The following LAMA4 variants were observed in gnomAD, a reference collection of about 807,000 sequenced individuals.
LAMA4 encodes laminin subunit alpha 4, also known as laminin subunit alpha-4.
Under a neutral mutation model 207.1 loss-of-function variants are expected in LAMA4, and 127 were observed. The ratio of observed to expected loss-of-function variants is 0.61; its 90% CI spans 0.53 to 0.71. The LOEUF (loss-of-function observed/expected upper bound fraction) is 0.71. Among genes scored for constraint, LAMA4 ranks in the 30% least tolerant of loss-of-function variants. The pLI is 0.00. For synonymous variants in LAMA4, 761 were observed against 816.0 expected (o/e 0.93, Z 1.15); for missense variants, 2,093 against 2,246.5 (o/e 0.93, Z 1.38).
rs75304158 is a variant in LAMA4, at chr6:112,122,821, A to G, written c.4288-620T>C. ...AATATTTAATTATTATTTAGTTTCAATTTCTGAAGCAAAATAAAAGTAAAT... is the reference window on the plus strand; with the variant it reads ...AATATTTAATTATTATTTAGTTTCAGTTTCTGAAGCAAAATAAAAGTAAAT... On this transcript the variant is annotated intron_variant, in intron 31 of 38. Transcript: ENST00000230538. Among the ~76,000 whole-genome samples, 1,475 of 152,312 alleles carry G rather than the reference A, an allele frequency of 9.7e-3. 12 individuals are homozygous for G. Among genetic ancestry groups the G allele is most frequent in the Non-Finnish European group, 0.015 (1,021 of 68,024 alleles).
intron 3 of LAMA4, among the ~76,000 whole-genome samples, chr6:112,209,751 G>C (rs1401918141): frequency 6.6e-6 from 1 of 152,126 alleles, no homozygotes; most frequent in African/African-American, 2.4e-5. Flanking sequence ...TTTACCTTCA[G>C]TGCTCTGGCA....
At chr6:112,186,334 C>T (rs1252270807) in intron 8 of LAMA4, among the ~76,000 whole-genome samples, 1 of 152,230 alleles carries the variant, frequency 6.6e-6, no homozygotes, top group Non-Finnish European at 1.5e-5. Context: ...TGAATACAAG[C>T]AACCTAGTTT....
rs199618820 is a variant in LAMA4, at chr6:112,139,836, G to T, written c.3026C>A (p.Ala1009Asp). Residue 1009 changes from alanine to aspartate, a missense_variant, in exon 23 of 39, where the codon GCC (alanine) becomes GAC (aspartate). Coordinates refer to ENST00000230538, the MANE Select transcript of LAMA4 (RefSeq NM_001105206.3). Reference sequence around the variant, plus strand: ...GCTGATCACATCATTATTCAAAGTGGCCAGTTCCAGGCAGCCAACAAAGCC... The same window carrying T: ...GCTGATCACATCATTATTCAAAGTGTCCAGTTCCAGGCAGCCAACAAAGCC... ...LPGFVGCLEL[A>D]TLNNDVISLY... The T allele has an allele frequency of 1.2e-6, 2 of 1,613,832 alleles. No individual in the cohort carries two copies. The highest frequency in any genetic ancestry group is 1.3e-5 in the African/African-American group (1 of 74,894).
chr6:112,193,031 G>T (rs1783207657), intron 5 of LAMA4, among the ~76,000 whole-genome samples: 1 of 152,224 alleles, frequency 6.6e-6, no homozygotes, highest in South Asian at 2.1e-4. Flanking sequence ...CTTGTTGGCT[G>T]ATTGTGCACT....
At chr6:112,178,359 T>TA in intron 9 of LAMA4, 127 bp from the exon 10 acceptor site, 1 of 720,674 alleles carries the variant, frequency 1.4e-6, no homozygotes. Context: ...GAAAGTTCTA[T>TA]AACACATGAA....
At chr6:112,130,297 T>TG (rs1778956220) in intron 29 of LAMA4, 1 of 500,512 alleles carries the variant, frequency 2.0e-6, no homozygotes, top group African/African-American at 2.2e-5. Context: ...ATCAGCATTA[T>TG]TTTTGTGTGT....
chr6:112,145,328 G>A (rs1779956669), intron 18 of LAMA4, among the ~76,000 whole-genome samples: 1 of 152,246 alleles, frequency 6.6e-6, no homozygotes, highest in South Asian at 2.1e-4. Flanking sequence ...GACGGACAGA[G>A]GGAGAGCCAG....
chr6:112,240,063 CA>C lies in LAMA4; in HGVS notation c.195+13892del, dbSNP rs1226693840. ...AGAGCGAGACTCTGTCTCAAAAAAA[CA>C]AAAAAAAAGTCTGACTTTTGAATCC... On this transcript the variant is annotated intron_variant, in intron 2 of 38. Transcript: ENST00000230538. Among the ~76,000 whole-genome samples the C allele has an allele frequency of 4.7e-5, 7 of 150,378 alleles. No homozygotes were observed. The Middle Eastern group carries it at 0.01, about 224-fold the overall frequency.
chr6:112,128,737 G>C (rs111743431), intron 31 of LAMA4, among the ~76,000 whole-genome samples, 185 bp downstream of exon 31: 1 of 152,082 alleles, frequency 6.6e-6, no homozygotes, highest in Non-Finnish European at 1.5e-5. Context: ...AATAAAAAAT[G>C]CTTCTATAAC....
At chr6:112,204,343 T>G (rs553453263) in intron 4 of LAMA4, among the ~76,000 whole-genome samples, 72 of 151,732 alleles carry the variant, frequency 4.7e-4, no homozygotes, top group Admixed American at 1.2e-3. Flanking sequence ...GTTCTAAAGG[T>G]CTCATATCCC....
intron 12 of LAMA4, among the ~76,000 whole-genome samples, chr6:112,167,209 G>C (rs2114840006): frequency 6.6e-6 from 1 of 152,336 alleles, no homozygotes; most frequent in Admixed American, 6.5e-5. Flanking sequence ...TCTAGCCCAT[G>C]CTGTAGGTGT....
rs115753794 is a variant in LAMA4 at position 112,131,569 on chromosome 6, G to A, written c.3835-468C>T. Among the ~76,000 whole-genome samples, 968 of 152,136 alleles carry A rather than the reference G, an allele frequency of 6.4e-3. 9 individuals are homozygous for A. Among genetic ancestry groups the A allele is most frequent in the African/African-American group, 0.022 (917 of 41,542 alleles). Reference sequence around the variant, plus strand: ...AAGTTAGCTCTTCTTATCTGAATTTGCTTATTGCTTGTCTTAAAATATTTG... The same window carrying A: ...AAGTTAGCTCTTCTTATCTGAATTTACTTATTGCTTGTCTTAAAATATTTG... On this transcript the variant is annotated intron_variant, in intron 28 of 38. Transcript: ENST00000230538.
intron 31 of LAMA4, among the ~76,000 whole-genome samples, chr6:112,128,053 A>G (rs1299308160): frequency 6.6e-6 from 1 of 152,144 alleles, no homozygotes; most frequent in East Asian, 1.9e-4. Context: ...AGGAGGGGAA[A>G]AACCAGGGTA....
chr6:112,188,242 A>ATGTTAATT (rs1554347351), intron 7 of LAMA4, among the ~76,000 whole-genome samples: 1 of 152,226 alleles, frequency 6.6e-6, no homozygotes, highest in African/African-American at 2.4e-5. Context: ...GGTTGTTAAT[A>ATGTTAATT]TGTTAATTTG....
At chr6:112,197,103 G>A (rs1302586071) in intron 5 of LAMA4, among the ~76,000 whole-genome samples, 1 of 152,186 alleles carries the variant, frequency 6.6e-6, no homozygotes, top group Non-Finnish European at 1.5e-5. Flanking sequence ...TTTTACAACA[G>A]TGCCTGACAT....
chr6:112,138,992 T>C (rs1400333030), intron 24 of LAMA4, 128 bp downstream of exon 24: 10 of 952,428 alleles, frequency 1.0e-5, no homozygotes, highest in Admixed American at 6.1e-5. Context: ...AAAATCCAAT[T>C]TGACTTTCTA....
chr6:112,227,055 T>TTATG (rs1374504318), intron 2 of LAMA4, among the ~76,000 whole-genome samples: 1 of 147,760 alleles, frequency 6.8e-6, no homozygotes, highest in African/African-American at 2.6e-5. Context: ...ATTTATTTAT[T>TTATG]TATTTATTTA....
At chr6:112,201,223 C>T (rs901966289) in intron 5 of LAMA4, among the ~76,000 whole-genome samples, 2 of 152,124 alleles carry the variant, frequency 1.3e-5, no homozygotes, top group Non-Finnish European at 2.9e-5. Context: ...AGGTGATTCA[C>T]ATTTTATTTA....
intron 21 of LAMA4, 116 bp from the exon 22 acceptor site, chr6:112,141,038 G>A: frequency 1.1e-6 from 1 of 885,150 alleles, no homozygotes; most frequent in Non-Finnish European, 1.8e-6. Context: ...ACACTAATAA[G>A]CATTTACAAA....
Sources: gnomAD v4.1 joint callset for allele counts (sites outside exome capture counted in the v4.1 genomes callset) on GRCh38, gnomAD v4.1.1 for gene constraint, MANE v1.5 for transcripts, NCBI Gene and HGNC (gene_info 2026-07-23, HGNC 2026-07-21) for gene names.